TMC1: variants seen among roughly 807,000 people sequenced by gnomAD.
The protein encoded by TMC1 is transmembrane channel-like protein 1.
A neutral mutation model predicts 105.8 loss-of-function variants in TMC1; 84 were observed. The ratio of observed to expected loss-of-function variants is 0.79; its 90% CI spans 0.67 to 0.95. The LOEUF (loss-of-function observed/expected upper bound fraction) is 0.95. Ranked by LOEUF, TMC1 falls within the 40% of genes least tolerant of loss-of-function variation. The probability of loss-of-function intolerance (pLI) is 0.00; values close to 1 mark genes in which losing one functional copy is unlikely to be tolerated. For synonymous variants in TMC1, 315 were observed against 311.5 expected, an observed-to-expected ratio of 1.01 and a Z score of -0.12; for missense variants, 817 against 914.1, an observed-to-expected ratio of 0.89 and a Z score of 1.37.
At chr9:72,686,656 T>C (rs1486474686) in intron 5 of TMC1, among the ~76,000 whole-genome samples, 3 of 152,152 alleles carry the variant, frequency 2.0e-5, no homozygotes, top group African/African-American at 7.2e-5. Flanking sequence ...ACAAGTATTA[T>C]CACAATGACT....
chr9:72,806,942 A>G (rs1420634712), intron 18 of TMC1, among the ~76,000 whole-genome samples: 1 of 152,194 alleles, frequency 6.6e-6, no homozygotes, highest in Non-Finnish European at 1.5e-5. Flanking sequence ...TAGCGAGCCG[A>G]GATCACGCCA....
chr9:72,659,353 G>T (rs1336713258), intron 5 of TMC1, among the ~76,000 whole-genome samples: 3 of 152,142 alleles, frequency 2.0e-5, no homozygotes, highest in African/African-American at 4.8e-5. Flanking sequence ...ATGGAGTTTG[G>T]GCCGGGAGTG....
At chr9:72,606,979 G>A (rs1162922071) in intron 2 of TMC1, among the ~76,000 whole-genome samples, 1 of 115,586 alleles carries the variant, frequency 8.7e-6, no homozygotes, top group Non-Finnish European at 1.9e-5. Flanking sequence ...ATGTGTGTGT[G>A]TGCATATATA....
At chr9:72,564,995 A>T (rs1824122069) in intron 1 of TMC1, among the ~76,000 whole-genome samples, 1 of 152,238 alleles carries the variant, frequency 6.6e-6, no homozygotes, top group Non-Finnish European at 1.5e-5. Flanking sequence ...CACTCAAAAT[A>T]AATTATATTA....
intron 7 of TMC1, 22 bp from the exon 8 acceptor site, chr9:72,700,496 T>C: frequency 1.3e-6 from 2 of 1,564,606 alleles, no homozygotes. Context: ...TTTATTAAGG[T>C]GTTTCTTTTT....
chr9:72,578,196 C>G (rs937101525), intron 2 of TMC1, 173 bp downstream of exon 2: 2 of 152,174 alleles, frequency 1.3e-5, no homozygotes, highest in Non-Finnish European at 2.9e-5. Context: ...TTTTCCTCCT[C>G]AAGGACTTTG....
At chr9:72,559,768 T>C (rs1466127618) in intron 1 of TMC1, among the ~76,000 whole-genome samples, 2 of 152,146 alleles carry the variant, frequency 1.3e-5, no homozygotes, top group African/African-American at 4.8e-5. Context: ...CCACTCACCA[T>C]GATCGTGCCA....
intron 17 of TMC1, 104 bp downstream of exon 17, chr9:72,792,456 T>G: frequency 1.5e-6 from 2 of 1,357,664 alleles, no homozygotes; most frequent in Non-Finnish European, 2.1e-6. Context: ...TTAGTAAAAA[T>G]AGCTAAGATT....
At chr9:72,634,355 T>C (rs1420591472) in intron 4 of TMC1, among the ~76,000 whole-genome samples, 1 of 152,236 alleles carries the variant, frequency 6.6e-6, no homozygotes, top group African/African-American at 2.4e-5. Flanking sequence ...GACCTCTGGC[T>C]ACATGATTCT....
chr9:72,815,845 A>C (rs997886359), intron 18 of TMC1, among the ~76,000 whole-genome samples: 2 of 152,142 alleles, frequency 1.3e-5, no homozygotes. Flanking sequence ...GTACTGTCAA[A>C]TTGTTTTTCT....
chr9:72,639,348 T>G (rs1431899467), intron 4 of TMC1, among the ~76,000 whole-genome samples: 4 of 152,170 alleles, frequency 2.6e-5, no homozygotes, highest in African/African-American at 9.7e-5. Flanking sequence ...ATTTCATAAT[T>G]TGAAACACGG....
At chr9:72,523,489 A>G (rs138920322) in intron 1 of TMC1, among the ~76,000 whole-genome samples, 1 of 152,352 alleles carries the variant, frequency 6.6e-6, no homozygotes, top group African/African-American at 2.4e-5. Flanking sequence ...GTATTCTTAC[A>G]ATAAGGTAAG....
intron 11 of TMC1, among the ~76,000 whole-genome samples, chr9:72,753,989 G>A (rs1827629850): frequency 6.6e-6 from 1 of 152,184 alleles, no homozygotes; most frequent in Non-Finnish European, 1.5e-5. Flanking sequence ...AGAGATTGAT[G>A]TCCAGCCCTT....
intron 1 of TMC1, among the ~76,000 whole-genome samples, chr9:72,561,525 A>G (rs1824050864): frequency 1.3e-5 from 2 of 152,302 alleles, no homozygotes; most frequent in African/African-American, 4.8e-5. Flanking sequence ...AAGCCATAGT[A>G]ATAAATACAT....
At chr9:72,606,884 A>G (rs1208396411) in intron 2 of TMC1, among the ~76,000 whole-genome samples, 1 of 152,044 alleles carries the variant, frequency 6.6e-6, no homozygotes, top group African/African-American at 2.4e-5. Context: ...CTCATATGTC[A>G]AATGGGAGAA....
At chr9:72,717,280 A>C (rs934228825) in intron 8 of TMC1, among the ~76,000 whole-genome samples, 3 of 152,244 alleles carry the variant, frequency 2.0e-5, no homozygotes, top group African/African-American at 7.2e-5. Context: ...CATTTAGGCC[A>C]TCTGCATTCA....
At chr9:72,603,491 T>C (rs1465272981) in intron 2 of TMC1, among the ~76,000 whole-genome samples, 2 of 152,174 alleles carry the variant, frequency 1.3e-5, no homozygotes, top group African/African-American at 4.8e-5. Context: ...TTCTCTGTTC[T>C]GAAGGCTCAT....
At chr9:72,724,781 A>C (rs1827087027) in intron 8 of TMC1, among the ~76,000 whole-genome samples, 1 of 152,150 alleles carries the variant, frequency 6.6e-6, no homozygotes, top group Non-Finnish European at 1.5e-5. Flanking sequence ...GTTTTTGATA[A>C]TGATTTATCA....
At chr9:72,800,875 TAAC>T (rs1828459390) in intron 17 of TMC1, among the ~76,000 whole-genome samples, 1 of 152,136 alleles carries the variant, frequency 6.6e-6, no homozygotes, top group Non-Finnish European at 1.5e-5. Context: ...ATATAGGACA[TAAC>T]AAATCTGAGT....
Sources: gnomAD v4.1 joint callset for allele counts (sites outside exome capture counted in the v4.1 genomes callset) on GRCh38, gnomAD v4.1.1 for gene constraint, MANE v1.5 for transcripts, NCBI Gene and HGNC (gene_info 2026-07-23, HGNC 2026-07-21) for gene names.